The following KCNG3 variants were observed in gnomAD, a reference collection of about 807,000 sequenced individuals.
The protein encoded by KCNG3 is voltage-gated potassium channel regulatory subunit KCNG3.
A neutral mutation model predicts 29.0 loss-of-function variants in KCNG3; 15 were observed. The ratio of observed to expected loss-of-function variants is 0.52; its 90% CI spans 0.35 to 0.80. KCNG3 has a LOEUF of 0.80. Ranked by LOEUF, KCNG3 falls within the 30% of genes least tolerant of loss-of-function variation. The pLI is 0.01. For missense variants in KCNG3, 512 were observed against 605.7 expected (o/e 0.85, Z 1.62); for synonymous variants, 322 against 248.9 (o/e 1.29, Z -2.76).
chr2:42,463,478 C>A, intron 1 of KCNG3: 1 of 165,450 alleles, frequency 6.0e-6, no homozygotes, highest in South Asian at 1.6e-4. Flanking sequence ...AGCTGGAATT[C>A]ATCAATCTTG....
chr2:42,423,308 T>G, the KCNG3 span, among the ~76,000 whole-genome samples: 1 of 152,204 alleles, frequency 6.6e-6, no homozygotes, highest in Non-Finnish European at 1.5e-5. Context: ...CTCTCCACCC[T>G]TGACACAGTT....
At chr2:42,462,187 C>T (rs987228034) in intron 1 of KCNG3, among the ~76,000 whole-genome samples, 1 of 152,182 alleles carries the variant, frequency 6.6e-6, no homozygotes, top group Non-Finnish European at 1.5e-5. Context: ...CTCTCCCCAG[C>T]TTATAGCTGG....
At chr2:42,468,979 A>C (rs1467907057) in intron 1 of KCNG3, among the ~76,000 whole-genome samples, 2 of 148,020 alleles carry the variant, frequency 1.4e-5, no homozygotes, top group African/African-American at 5.0e-5. Flanking sequence ...AAAAAAAAAA[A>C]AATGCCAACT....
chr2:42,493,350 C>T lies in KCNG3; in HGVS notation c.152G>A (p.Cys51Tyr). 1.3e-6 allele frequency: 2 copies of T among 1,594,016 alleles called. No individual in the cohort carries two copies. Among genetic ancestry groups the T allele is most frequent in the Non-Finnish European group, 1.7e-6 (2 of 1,170,400 alleles). The change falls in exon 1 of 2, where the codon TGC (cysteine) becomes TAC (tyrosine). Residue 51 changes from cysteine (C) to tyrosine (Y), a missense_variant. Coordinates refer to ENST00000306078, the MANE Select transcript of KCNG3 (RefSeq NM_133329.6). ...GTTGCGCTCGCGGTCGTAGTCGTCG[C>T]ACACCTCGAGCACGTCGCGCTCGGA... is the stretch of plus-strand genomic sequence containing the variant. ...CRSERDVLEV[C>Y]DDYDRERNEY...
chr2:42,478,508 G>T (rs565693148), intron 1 of KCNG3, among the ~76,000 whole-genome samples: 68 of 152,142 alleles, frequency 4.5e-4, no homozygotes, highest in African/African-American at 1.5e-3. Flanking sequence ...TAGGATTACA[G>T]GTCTGAGTCA....
chr2:42,488,391 T>C (rs1020032503), intron 1 of KCNG3, among the ~76,000 whole-genome samples: 2 of 152,150 alleles, frequency 1.3e-5, no homozygotes, highest in African/African-American at 4.8e-5. Context: ...TGTTGTTTTG[T>C]TTTGAGACAG....
chr2:42,489,399 C>T (rs1216576340), intron 1 of KCNG3, among the ~76,000 whole-genome samples: 1 of 151,890 alleles, frequency 6.6e-6, no homozygotes, highest in Non-Finnish European at 1.5e-5. Context: ...AATCAATCAA[C>T]AAAAATACAA....
chr2:42,396,819 G>A, the KCNG3 span, among the ~76,000 whole-genome samples: 1 of 152,162 alleles, frequency 6.6e-6, no homozygotes, highest in Non-Finnish European at 1.5e-5. Flanking sequence ...GGCACATGCT[G>A]TAACCACTAA....
At chr2:42,462,924 C>T (rs567724081) in intron 1 of KCNG3, among the ~76,000 whole-genome samples, 5 of 152,000 alleles carry the variant, frequency 3.3e-5, no homozygotes, top group African/African-American at 1.2e-4. Context: ...TACCAAATTC[C>T]CCCCAAGTCT....
chr2:42,471,520 A>C (rs562437454), intron 1 of KCNG3, among the ~76,000 whole-genome samples: 1 of 152,256 alleles, frequency 6.6e-6, no homozygotes, highest in African/African-American at 2.4e-5. Context: ...ACTACCTAAC[A>C]AGTAGGTTTC....
Position 42,477,382 on chromosome 2 carries a change from T to TACACACACACACACAC in KCNG3, c.665+15454_665+15455insGTGTGTGTGTGTGTGT, listed in dbSNP as rs1328091998. Among the ~76,000 whole-genome samples the TACACACACACACACAC allele has an allele frequency of 1.3e-3, 137 of 105,152 alleles. No homozygotes were observed. The East Asian group carries it at 0.016, about 12-fold the overall frequency. 69.0% of individuals were successfully genotyped at this position (105,152 alleles called of 152,430 possible). A position where few individuals can be genotyped will look rare whatever the true frequency, so the allele number is the denominator to read the frequency against. ...GTATATACATATATATACACACACA[T>TACACACACACACACAC]ATATATACACACACACACACACACA... On this transcript the variant is annotated intron_variant, in intron 1 of 1. Transcript: ENST00000306078.
the KCNG3 span, among the ~76,000 whole-genome samples, chr2:42,390,280 T>C: frequency 2.0e-5 from 3 of 152,236 alleles, no homozygotes; most frequent in East Asian, 5.8e-4. Context: ...TCCAAAGCTC[T>C]AAGAAAAAAA....
At chr2:42,470,236 G>A (rs1352639537) in intron 1 of KCNG3, 5 of 418,844 alleles carry the variant, frequency 1.2e-5, no homozygotes, top group South Asian at 7.9e-5. Flanking sequence ...GGAAATATGA[G>A]TCATCTACAG....
At chr2:42,488,345 T>C (rs1673781182) in intron 1 of KCNG3, among the ~76,000 whole-genome samples, 2 of 152,172 alleles carry the variant, frequency 1.3e-5, no homozygotes, top group African/African-American at 4.8e-5. Context: ...TTTCGTACCA[T>C]TAAGTACTTG....
At chr2:42,419,204 G>A in the KCNG3 span, among the ~76,000 whole-genome samples, 1 of 124,322 alleles carries the variant, frequency 8.0e-6, no homozygotes, top group African/African-American at 3.0e-5. Context: ...TCACAATAAA[G>A]CTCAGATGGT....
At chr2:42,410,516 T>C in the KCNG3 span, among the ~76,000 whole-genome samples, 5 of 152,162 alleles carry the variant, frequency 3.3e-5, no homozygotes, top group East Asian at 1.9e-4. Flanking sequence ...TTAGTCTAGA[T>C]TGAAATTGCT....
chr2:42,401,405 A>G, the KCNG3 span, among the ~76,000 whole-genome samples: 3 of 150,444 alleles, frequency 2.0e-5, no homozygotes, highest in African/African-American at 7.3e-5. Context: ...ATAATAGATG[A>G]ATTATATAGA....
intron 1 of KCNG3, among the ~76,000 whole-genome samples, chr2:42,482,288 T>A (rs1159255629): frequency 1.3e-5 from 2 of 152,236 alleles, no homozygotes; most frequent in African/African-American, 4.8e-5. Flanking sequence ...TTTAAAAATA[T>A]AACCTACAGA....
chr2:42,427,636 C>G, the KCNG3 span, among the ~76,000 whole-genome samples: 1 of 151,728 alleles, frequency 6.6e-6, no homozygotes, highest in South Asian at 2.1e-4. Context: ...CAACATAAAA[C>G]TGAACTATCA....
Sources: allele counts gnomAD v4.1 joint callset (sites outside exome capture counted in the v4.1 genomes callset), GRCh38; gene constraint gnomAD v4.1.1; transcripts MANE v1.5; gene names NCBI Gene and HGNC (gene_info 2026-07-23, HGNC 2026-07-21).